ZC3H12B: variants seen among roughly 807,000 people sequenced by gnomAD.
ZC3H12B encodes the protein zinc finger CCCH-type containing 12B.
Under a neutral mutation model 43.9 loss-of-function variants are expected in ZC3H12B, and 7 were observed. That is an observed-to-expected ratio of 0.16 (90% confidence interval 0.09 to 0.30). The LOEUF is 0.30. ZC3H12B is among the 10% of genes least tolerant of loss of function. ZC3H12B has a pLI of 1.00. For synonymous variants in ZC3H12B, 222 were observed against 241.7 expected (o/e 0.92, Z 0.76); for missense variants, 475 against 670.2 (o/e 0.71, Z 3.22).
the ZC3H12B span, among the ~76,000 whole-genome samples, chrX:65,353,251 T>G: frequency 9.0e-6 from 1 of 111,511 alleles, no homozygotes; most frequent in African/African-American, 3.3e-5. Flanking sequence ...GTGTGTGTTC[T>G]GAAACACACA....
the ZC3H12B span, among the ~76,000 whole-genome samples, chrX:65,124,046 G>T: frequency 6.3e-5 from 7 of 111,193 alleles, no homozygotes; most frequent in Non-Finnish European, 1.9e-5. Context: ...AGTGGTTAAA[G>T]TGGGAATCAT....
At chrX:65,058,025 C>T in the ZC3H12B span, among the ~76,000 whole-genome samples, 7 of 111,894 alleles carry the variant, frequency 6.3e-5, no homozygotes, top group Non-Finnish European at 1.3e-4. Flanking sequence ...GCGATGTGTT[C>T]GAACTTCCTC....
the ZC3H12B span, among the ~76,000 whole-genome samples, chrX:65,263,868 T>A: frequency 9.0e-6 from 1 of 111,426 alleles, no homozygotes; most frequent in African/African-American, 3.3e-5. Context: ...CACATATGTT[T>A]ATCACAGTAC....
chrX:65,198,554 T>C, the ZC3H12B span, among the ~76,000 whole-genome samples: 2 of 111,936 alleles, frequency 1.8e-5, no homozygotes, highest in African/African-American at 3.2e-5. Context: ...TTTTTAAATA[T>C]ATCATGCCAC....
the ZC3H12B span, among the ~76,000 whole-genome samples, chrX:65,253,571 C>G: frequency 8.9e-6 from 1 of 111,979 alleles, no homozygotes; most frequent in Non-Finnish European, 1.9e-5. Context: ...GGGGAATTGT[C>G]TGACCTGAAC....
At chrX:65,268,151 A>G in the ZC3H12B span, among the ~76,000 whole-genome samples, 1 of 112,182 alleles carries the variant, frequency 8.9e-6, no homozygotes, top group South Asian at 3.7e-4. Flanking sequence ...ATTTCAACAA[A>G]TTGGATAACC....
chrX:65,215,442 G>A, the ZC3H12B span, among the ~76,000 whole-genome samples: 1 of 110,879 alleles, frequency 9.0e-6, no homozygotes, highest in Non-Finnish European at 1.9e-5. Context: ...TAATCTTATG[G>A]AGACGGCTGC....
At chrX:65,184,188 G>A in the ZC3H12B span, among the ~76,000 whole-genome samples, 2 of 111,427 alleles carry the variant, frequency 1.8e-5, no homozygotes, top group Non-Finnish European at 3.8e-5. Context: ...TTTGAGGTAT[G>A]TTATCTTGAT....
At chrX:65,162,346 A>G in the ZC3H12B span, among the ~76,000 whole-genome samples, 1 of 111,949 alleles carries the variant, frequency 8.9e-6, no homozygotes, top group African/African-American at 3.2e-5. Context: ...CTCCTGGATA[A>G]TATCCTGCGG....
At chrX:65,342,201 C>G in the ZC3H12B span, among the ~76,000 whole-genome samples, 2 of 111,743 alleles carry the variant, frequency 1.8e-5, no homozygotes, top group African/African-American at 6.5e-5. Context: ...GGGTTCAGTT[C>G]AACAAGGAGA....
chrX:65,496,181 A>AT (rs2068278426), intron 1 of ZC3H12B, among the ~76,000 whole-genome samples: 1 of 111,918 alleles, frequency 8.9e-6, no homozygotes, highest in African/African-American at 3.2e-5. Context: ...TATAGTCTGT[A>AT]TTTTTTCTTT....
At chrX:65,326,124 T>C in the ZC3H12B span, among the ~76,000 whole-genome samples, 1 of 111,712 alleles carries the variant, frequency 9.0e-6, no homozygotes, top group African/African-American at 3.2e-5. Context: ...GCCTGAGCAA[T>C]GTTATTTAAT....
chrX:65,480,488 G>A (rs1015566986), intron 3 of ZC3H12B, among the ~76,000 whole-genome samples: 2 of 112,129 alleles, frequency 1.8e-5, no homozygotes, highest in African/African-American at 6.5e-5. Flanking sequence ...ATGTCAAATG[G>A]TCTTTATAAT....
At chrX:65,254,519 C>T in the ZC3H12B span, among the ~76,000 whole-genome samples, 564 of 111,967 alleles carry the variant, frequency 5.0e-3, 2 homozygotes, top group African/African-American at 0.016. Context: ...AATAAAACCA[C>T]GAAGGACATC....
the ZC3H12B span, among the ~76,000 whole-genome samples, chrX:65,108,023 A>G: frequency 9.0e-6 from 1 of 111,382 alleles, no homozygotes; most frequent in Non-Finnish European, 1.9e-5. Flanking sequence ...AAACATAGAA[A>G]ATGGACAGTA....
rs1239672279 is a variant in ZC3H12B at position 65,435,695 on chromosome X, TAGATAGAC to T, written n.407+36994_407+37001del. ...ATAGATAGATAGATAGATAGATAGA[TAGATAGAC>T]AGTCAGATAGATGAGAGGGGATTTA... On this transcript the variant is annotated intron_variant and non_coding_transcript_variant, in intron 3 of 5. Transcript: ENST00000617377. Among the ~76,000 whole-genome samples, 22 of 107,391 alleles carry T rather than the reference TAGATAGAC, an allele frequency of 2.0e-4. No homozygotes were observed. The East Asian group carries it at 4.9e-3, about 24-fold the overall frequency. 93.3% of individuals were successfully genotyped at this position (107,391 alleles called of 115,157 possible).
chrX:65,058,276 CTGTT>C, the ZC3H12B span, among the ~76,000 whole-genome samples: 1 of 111,700 alleles, frequency 9.0e-6, no homozygotes, highest in African/African-American at 3.2e-5. Context: ...GATGTCCTTT[CTGTT>C]TGTTTTCCTT....
the ZC3H12B span, among the ~76,000 whole-genome samples, chrX:65,233,121 G>C: frequency 2.7e-5 from 3 of 111,957 alleles, no homozygotes; most frequent in African/African-American, 9.7e-5. Context: ...GCTAAAGAGA[G>C]AGATATATAC....
At chrX:65,160,735 A>G in the ZC3H12B span, among the ~76,000 whole-genome samples, 3 of 111,125 alleles carry the variant, frequency 2.7e-5, no homozygotes, top group African/African-American at 9.8e-5. Flanking sequence ...TAATTTTTTG[A>G]AGGGTTTTTT....
Sources: allele counts gnomAD v4.1 joint callset (sites outside exome capture counted in the v4.1 genomes callset), GRCh38; gene constraint gnomAD v4.1.1; transcripts MANE v1.5; gene names NCBI Gene and HGNC (gene_info 2026-07-23, HGNC 2026-07-21).